The following GTF2E2 variants were observed in gnomAD, a reference collection of about 807,000 sequenced individuals.
The protein encoded by GTF2E2 is general transcription factor IIE subunit 2, also known as transcription initiation factor IIE subunit beta.
In GTF2E2, 21 loss-of-function variants were observed where a neutral mutation model predicts 40.5. The observed-to-expected ratio is 0.52, with a 90% CI of 0.37 to 0.75. GTF2E2 has a LOEUF of 0.75. Among genes scored for constraint, GTF2E2 ranks in the 30% least tolerant of loss-of-function variants. The pLI, the probability that GTF2E2 is intolerant of heterozygous loss-of-function variation, is 0.00. For synonymous variants in GTF2E2, 117 were observed against 121.6 expected (o/e 0.96, Z 0.25); for missense variants, 298 against 338.4 (o/e 0.88, Z 0.94).
At chr8:30,612,149 A>C (rs1829492808) in intron 5 of GTF2E2, 150 bp downstream of exon 5, 1 of 522,518 alleles carries the variant, frequency 1.9e-6, no homozygotes, top group East Asian at 2.9e-5. Context: ...GTGGCACAAG[A>C]CAAATTTCAA....
intron 3 of GTF2E2, among the ~76,000 whole-genome samples, chr8:30,632,049 G>T (rs1801451128): frequency 6.6e-6 from 1 of 152,216 alleles, no homozygotes; most frequent in Non-Finnish European, 1.5e-5. Flanking sequence ...GATCGAGGCT[G>T]CAGTGAGCCA....
intron 3 of GTF2E2, among the ~76,000 whole-genome samples, chr8:30,630,868 A>G (rs1801420548): frequency 6.6e-6 from 1 of 152,146 alleles, no homozygotes; most frequent in South Asian, 2.1e-4. Flanking sequence ...ATAATCTGTG[A>G]GCAATTGTTT....
chr8:30,581,733 T>G (rs1401326320), intron 6 of GTF2E2, among the ~76,000 whole-genome samples: 1 of 152,238 alleles, frequency 6.6e-6, no homozygotes, highest in East Asian at 1.9e-4. Flanking sequence ...TGATAACAAC[T>G]GTGTGCATGA....
In GTF2E2 at chr8:30,579,036, G is replaced by C. The variant is rs1303776324; in HGVS notation, c.761C>G (p.Ala254Gly). Residue 254 changes from alanine to glycine, a missense_variant and splice_region_variant, in exon 8 of 8, where the codon GCC (alanine) becomes GGC (glycine). Transcript: ENST00000355904. ...SMQESGPKKV[A>G]PIQRRKKPAS... The stretch of plus-strand genomic sequence containing the variant: ...AGGCTTTTTCCTTCTCTGAATAGGG[G>C]CCTAAAGGAAAAGGTAAAAACAATT... 1 of 1,517,184 alleles carries C rather than the reference G, an allele frequency of 6.6e-7. No individual in the cohort carries two copies. The highest frequency in any genetic ancestry group is 1.7e-5 in the Admixed American group (1 of 59,904). 94.0% of individuals were successfully genotyped at this position (1,517,184 alleles called of 1,614,324 possible). A position where few individuals can be genotyped will look rare whatever the true frequency, so the allele number is the denominator to read the frequency against.
chr8:30,628,551 TAAG>T (rs1226475278), intron 3 of GTF2E2, among the ~76,000 whole-genome samples: 1 of 152,098 alleles, frequency 6.6e-6, no homozygotes, highest in Non-Finnish European at 1.5e-5. Flanking sequence ...TCCTCCAGAG[TAAG>T]AAGATTGAGA....
intron 6 of GTF2E2, among the ~76,000 whole-genome samples, chr8:30,588,040 G>C (rs1319541226): frequency 6.6e-6 from 1 of 152,178 alleles, no homozygotes; most frequent in Non-Finnish European, 1.5e-5. Flanking sequence ...TCACACCTGT[G>C]AGAATGGTTA....
chr8:30,640,589 A>G (rs1226401293), intron 2 of GTF2E2, among the ~76,000 whole-genome samples: 6 of 152,200 alleles, frequency 3.9e-5, no homozygotes, highest in Admixed American at 3.9e-4. Flanking sequence ...ACCTTTTTTT[A>G]TATACACCAT....
chr8:30,640,762 T>A (rs1563504795), intron 2 of GTF2E2, among the ~76,000 whole-genome samples: 1 of 152,196 alleles, frequency 6.6e-6, no homozygotes, highest in Non-Finnish European at 1.5e-5. Flanking sequence ...TAGAGTGCAG[T>A]GGCGCAATCT....
chr8:30,579,178 A>G, intron 7 of GTF2E2, 141 bp from the exon 8 acceptor site: 1 of 669,160 alleles, frequency 1.5e-6, no homozygotes, highest in Non-Finnish European at 2.7e-6. Context: ...CCAGCAGCAC[A>G]CATGGGGCAC....
intron 6 of GTF2E2, among the ~76,000 whole-genome samples, chr8:30,597,943 C>T (rs1829059202): frequency 6.6e-6 from 1 of 152,154 alleles, no homozygotes; most frequent in Non-Finnish European, 1.5e-5. Context: ...AAAATGTAGG[C>T]AATAGCCAGA....
intron 2 of GTF2E2, among the ~76,000 whole-genome samples, chr8:30,643,234 C>T (rs1288229144): frequency 6.6e-6 from 1 of 152,160 alleles, no homozygotes; most frequent in Admixed American, 6.5e-5. Context: ...GAGTCCTCAC[C>T]ATTGGGAGAT....
At chr8:30,602,865 ATACTC>A (rs1829221801) in intron 6 of GTF2E2, among the ~76,000 whole-genome samples, 1 of 152,070 alleles carries the variant, frequency 6.6e-6, no homozygotes, top group Admixed American at 6.6e-5. Context: ...CTCTGCCTGG[ATACTC>A]GCCTTACAGT....
chr8:30,623,604 A>G (rs1327118808), intron 3 of GTF2E2, among the ~76,000 whole-genome samples: 1 of 152,010 alleles, frequency 6.6e-6, no homozygotes. Flanking sequence ...GACTTCTACA[A>G]TGGTTGAACT....
chr8:30,657,261 A>G (rs1466648928), intron 1 of GTF2E2, among the ~76,000 whole-genome samples: 1 of 152,142 alleles, frequency 6.6e-6, no homozygotes, highest in Non-Finnish European at 1.5e-5. Context: ...TTTACAATTA[A>G]ACAAAACCAC....
At chr8:30,628,508 G>A (rs1481499252) in intron 3 of GTF2E2, among the ~76,000 whole-genome samples, 2 of 152,188 alleles carry the variant, frequency 1.3e-5, no homozygotes, top group Admixed American at 1.3e-4. Context: ...TCTTTGCATG[G>A]GTTCTCTGAG....
intron 6 of GTF2E2, among the ~76,000 whole-genome samples, chr8:30,603,299 A>G (rs905177231): frequency 6.6e-6 from 1 of 152,242 alleles, no homozygotes; most frequent in South Asian, 2.1e-4. Context: ...TTCCAAGTAA[A>G]TGATGGGGAG....
chr8:30,656,292 A>T (rs1802445667), intron 1 of GTF2E2, among the ~76,000 whole-genome samples: 1 of 152,202 alleles, frequency 6.6e-6, no homozygotes, highest in African/African-American at 2.4e-5. Flanking sequence ...TTTCAGTATT[A>T]CTATTTTGAG....
chr8:30,637,329 T>C (rs1801637379), intron 2 of GTF2E2: 1 of 455,356 alleles, frequency 2.2e-6, no homozygotes. Context: ...AAATGGCCAA[T>C]TATGAATCAC....
Position 30,578,619 on chromosome 8 carries a change from G to A in GTF2E2, c.*302C>T, listed in dbSNP as rs1828422722. 4.6e-6 allele frequency: 1 copy of A among 215,140 alleles called. No individual in the cohort carries two copies. The allele number at this position is 215,140 out of a possible 1,614,324, so 13.3% of individuals were successfully genotyped here. A position where few individuals can be genotyped will look rare whatever the true frequency, so the allele number is the denominator to read the frequency against. ...AAACTTGCTCTAAAGTAACAAACGAGGAAGAAAGGAACCAGGAACCATTTA... is the reference window on the plus strand; with the variant it reads ...AAACTTGCTCTAAAGTAACAAACGAAGAAGAAAGGAACCAGGAACCATTTA... On this transcript the variant is annotated 3_prime_UTR_variant, in exon 8 of 8. Transcript: ENST00000355904.
Sources: allele counts gnomAD v4.1 joint callset (sites outside exome capture counted in the v4.1 genomes callset), GRCh38; gene constraint gnomAD v4.1.1; transcripts MANE v1.5; gene names NCBI Gene and HGNC (gene_info 2026-07-23, HGNC 2026-07-21).